Variants in AKT3 observed in about 807,000 individuals in gnomAD.
AKT3 encodes AKT serine/threonine kinase 3, also known as RAC-gamma serine/threonine-protein kinase.
AKT3 carries 15 observed loss-of-function variants against 65.3 expected under a neutral mutation model. The ratio of observed to expected loss-of-function variants is 0.23; its 90% CI spans 0.15 to 0.35. The LOEUF (loss-of-function observed/expected upper bound fraction) is 0.35, where lower values mean the gene tolerates loss of function less well. Ranked by LOEUF, AKT3 falls within the 10% of genes least tolerant of loss-of-function variation. The probability of loss-of-function intolerance (pLI) is 1.00; values close to 1 mark genes in which losing one functional copy is unlikely to be tolerated. For synonymous variants in AKT3, 206 were observed against 183.8 expected (o/e 1.12, Z -0.98); for missense variants, 243 against 576.5 (o/e 0.42, Z 5.92).
chr1:243,713,636 A>G (rs1686295078), intron 2 of AKT3, among the ~76,000 whole-genome samples: 1 of 150,980 alleles, frequency 6.6e-6, no homozygotes, highest in East Asian at 2.0e-4. Context: ...CAGCAGCCGA[A>G]TATCTCCCCC....
intron 3 of AKT3, among the ~76,000 whole-genome samples, chr1:243,677,585 T>A (rs1393068725): frequency 6.6e-6 from 1 of 152,152 alleles, no homozygotes; most frequent in South Asian, 2.1e-4. Context: ...TGAATCCTAA[T>A]CATATTTTTG....
chr1:243,714,231 T>C (rs1686352105), intron 2 of AKT3, among the ~76,000 whole-genome samples: 1 of 152,242 alleles, frequency 6.6e-6, no homozygotes, highest in Non-Finnish European at 1.5e-5. Context: ...GAATATCTGA[T>C]ACTCAAGATA....
intron 2 of AKT3, among the ~76,000 whole-genome samples, chr1:243,794,940 G>A (rs1197989891): frequency 6.6e-6 from 1 of 152,164 alleles, no homozygotes; most frequent in East Asian, 1.9e-4. Context: ...TTGTTTGCCT[G>A]CTGTCATCTC....
chr1:243,584,532 A>G (rs1675648886), intron 8 of AKT3, among the ~76,000 whole-genome samples: 2 of 152,324 alleles, frequency 1.3e-5, no homozygotes, highest in Admixed American at 6.5e-5. Context: ...CAGGTGCAAA[A>G]ATCCTCAACA....
chr1:243,646,192 T>C (rs1338130365), intron 4 of AKT3, among the ~76,000 whole-genome samples, 155 bp from the exon 5 acceptor site: 1 of 152,122 alleles, frequency 6.6e-6, no homozygotes, highest in Admixed American at 6.6e-5. Flanking sequence ...CACCCCAAAG[T>C]GAAAATAATC....
intron 6 of AKT3, among the ~76,000 whole-genome samples, chr1:243,636,928 A>G (rs751597767): frequency 1.1e-4 from 16 of 152,156 alleles, no homozygotes; most frequent in Non-Finnish European, 2.9e-5. Context: ...TGAGGAAACT[A>G]TAGTAGCAAA....
At chr1:243,832,306 C>T (rs1335200123) in intron 2 of AKT3, among the ~76,000 whole-genome samples, 1 of 151,972 alleles carries the variant, frequency 6.6e-6, no homozygotes, top group Non-Finnish European at 1.5e-5. Context: ...CTCATAATTT[C>T]TGATAAATTT....
chr1:243,820,686 G>A (rs1693804636), intron 2 of AKT3, among the ~76,000 whole-genome samples: 1 of 152,106 alleles, frequency 6.6e-6, no homozygotes, highest in African/African-American at 2.4e-5. Context: ...GAGACCAAGT[G>A]GAGGAAAGAA....
intron 10 of AKT3, among the ~76,000 whole-genome samples, chr1:243,561,055 A>G (rs1673740791): frequency 6.6e-6 from 1 of 152,092 alleles, no homozygotes; most frequent in Non-Finnish European, 1.5e-5. Flanking sequence ...ACCTAATTAA[A>G]CCACAAAAAT....
At chr1:243,509,153 T>C (rs1250666578) in intron 13 of AKT3, among the ~76,000 whole-genome samples, 2 of 152,308 alleles carry the variant, frequency 1.3e-5, no homozygotes, top group Middle Eastern at 3.4e-3. Flanking sequence ...ATGACACATG[T>C]TATTTAAGAA....
intron 2 of AKT3, among the ~76,000 whole-genome samples, chr1:243,750,097 T>C (rs1688707844): frequency 6.6e-6 from 1 of 152,200 alleles, no homozygotes; most frequent in Non-Finnish European, 1.5e-5. Context: ...AAGTCATGCT[T>C]TTATAAAGAA....
At chr1:243,492,295 CTTTTTTT>C (rs33950392) in intron 13 of AKT3, among the ~76,000 whole-genome samples, 5 of 63,130 alleles carry the variant, frequency 7.9e-5, no homozygotes, top group Non-Finnish European at 1.3e-4. Context: ...CGTTTCTTGG[CTTTTTTT>C]TTTTTTTTTT....
chr1:243,658,128 A>C (rs1681966105), intron 4 of AKT3, among the ~76,000 whole-genome samples: 1 of 152,220 alleles, frequency 6.6e-6, no homozygotes, highest in African/African-American at 2.4e-5. Context: ...CAAAATAAAA[A>C]GCTTCTGCAC....
intron 1 of AKT3, among the ~76,000 whole-genome samples, chr1:243,848,978 A>G (rs1695631728): frequency 6.6e-6 from 1 of 152,232 alleles, no homozygotes; most frequent in South Asian, 2.1e-4. Context: ...CTCTGCTTTC[A>G]GAACATAAAC....
chr1:243,649,872 A>T (rs769105254), intron 4 of AKT3, among the ~76,000 whole-genome samples: 3 of 152,198 alleles, frequency 2.0e-5, no homozygotes, highest in African/African-American at 4.8e-5. Context: ...CGCAATAAAC[A>T]TACGTGTGCA....
At chr1:243,821,821 T>A (rs569556478) in intron 2 of AKT3, among the ~76,000 whole-genome samples, 1 of 152,182 alleles carries the variant, frequency 6.6e-6, no homozygotes, top group East Asian at 1.9e-4. Context: ...GACTCCCATA[T>A]AATAACAGTG....
At chr1:243,841,437 C>T (rs1466811072) in intron 2 of AKT3, among the ~76,000 whole-genome samples, 2 of 151,902 alleles carry the variant, frequency 1.3e-5, no homozygotes, top group South Asian at 2.1e-4. Flanking sequence ...CCATCCCCCT[C>T]CAAAAAAAGT....
chr1:243,654,075 T>C (rs1237287805), intron 4 of AKT3, among the ~76,000 whole-genome samples: 1 of 152,178 alleles, frequency 6.6e-6, no homozygotes, highest in South Asian at 2.1e-4. Context: ...ATGTAATATA[T>C]GCCAGAATAA....
chr1:243,573,689 T>C (rs1322090446), intron 8 of AKT3, among the ~76,000 whole-genome samples: 1 of 152,178 alleles, frequency 6.6e-6, no homozygotes, highest in Non-Finnish European at 1.5e-5. Flanking sequence ...GTTCTCAATG[T>C]ATATTCTATT....
Sources: gnomAD v4.1 joint callset for allele counts (sites outside exome capture counted in the v4.1 genomes callset) on GRCh38, gnomAD v4.1.1 for gene constraint, MANE v1.5 for transcripts, NCBI Gene and HGNC (gene_info 2026-07-23, HGNC 2026-07-21) for gene names.